The following DPYD variants were observed in gnomAD, a reference collection of about 807,000 sequenced individuals.
DPYD encodes dihydropyrimidine dehydrogenase, also known as dihydropyrimidine dehydrogenase [NADP(+)].
DPYD carries 109 observed loss-of-function variants against 116.2 expected under a neutral mutation model. The observed-to-expected ratio is 0.94, with a 90% confidence interval of 0.80 to 1.10. The LOEUF is 1.10. DPYD is among the 50% of genes least tolerant of loss of function. DPYD has a pLI of 0.00. For missense variants in DPYD, 1,302 were observed against 1,254.5 expected, an observed-to-expected ratio of 1.04 and a Z score of -0.57; for synonymous variants, 440 against 432.0, an observed-to-expected ratio of 1.02 and a Z score of -0.23.
chr1:97,133,960 C>A, intron 20 of DPYD, among the ~76,000 whole-genome samples: 1 of 135,036 alleles, frequency 7.4e-6, no homozygotes, highest in East Asian at 2.2e-4. Context: ...GATCACGCCA[C>A]TGTACTCCAG....
intron 20 of DPYD, among the ~76,000 whole-genome samples, chr1:97,186,903 C>T (rs1319349891): frequency 6.6e-6 from 1 of 151,916 alleles, no homozygotes; most frequent in Admixed American, 6.6e-5. Flanking sequence ...CTTCCAGATC[C>T]ATCGATGTTG....
chr1:97,782,303 T>C (rs1038948995), intron 3 of DPYD, among the ~76,000 whole-genome samples: 8 of 152,350 alleles, frequency 5.3e-5, no homozygotes, highest in East Asian at 1.9e-4. Context: ...GTTATCTTCA[T>C]TTCTCTACAG....
intron 16 of DPYD, among the ~76,000 whole-genome samples, chr1:97,356,434 A>T (rs1670431921): frequency 6.6e-6 from 1 of 152,024 alleles, no homozygotes; most frequent in Admixed American, 6.6e-5. Flanking sequence ...TTTTATTTTG[A>T]TGTAATCCAA....
chr1:97,742,240 T>C (rs1344935006), intron 3 of DPYD, among the ~76,000 whole-genome samples: 1 of 152,148 alleles, frequency 6.6e-6, no homozygotes, highest in African/African-American at 2.4e-5. Context: ...TGTAAAGACC[T>C]TGGTTCATTT....
At chr1:97,728,806 T>C (rs1239686065) in intron 4 of DPYD, among the ~76,000 whole-genome samples, 2 of 152,082 alleles carry the variant, frequency 1.3e-5, no homozygotes, top group Non-Finnish European at 2.9e-5. Flanking sequence ...AGAAAGTACA[T>C]GCACACAGAA....
At chr1:97,566,939 T>G (rs1009471347) in intron 11 of DPYD, among the ~76,000 whole-genome samples, 2 of 152,202 alleles carry the variant, frequency 1.3e-5, no homozygotes, top group Non-Finnish European at 2.9e-5. Context: ...ACATACTGAT[T>G]CCAGGTCTTT....
chr1:97,907,332 T>C (rs1673687968), intron 1 of DPYD, among the ~76,000 whole-genome samples: 1 of 152,138 alleles, frequency 6.6e-6, no homozygotes, highest in Admixed American at 6.6e-5. Context: ...ATCTTTTCCC[T>C]TCATATAAGG....
intron 20 of DPYD, among the ~76,000 whole-genome samples, chr1:97,106,841 A>G (rs1028132311): frequency 3.3e-5 from 5 of 152,250 alleles, no homozygotes; most frequent in African/African-American, 9.6e-5. Context: ...TATATAACCA[A>G]TGGGTTACAT....
intron 19 of DPYD, among the ~76,000 whole-genome samples, chr1:97,222,532 T>C (rs1340095804): frequency 6.6e-6 from 1 of 152,154 alleles, no homozygotes; most frequent in Admixed American, 6.6e-5. Flanking sequence ...TCTTTGCTTA[T>C]AAACAACATT....
chr1:97,683,703 T>C (rs1341494218), intron 7 of DPYD, among the ~76,000 whole-genome samples: 1 of 152,038 alleles, frequency 6.6e-6, no homozygotes, highest in Non-Finnish European at 1.5e-5. Context: ...TACCCAATTT[T>C]ATTACACTAT....
chr1:97,525,192 T>G (rs1229328517), intron 12 of DPYD, among the ~76,000 whole-genome samples: 2 of 152,200 alleles, frequency 1.3e-5, no homozygotes, highest in Non-Finnish European at 2.9e-5. Flanking sequence ...GTCTCAGTCT[T>G]TCGCAGCACA....
At chr1:97,433,764 C>A (rs1675310443) in intron 14 of DPYD, among the ~76,000 whole-genome samples, 1 of 152,072 alleles carries the variant, frequency 6.6e-6, no homozygotes, top group Non-Finnish European at 1.5e-5. Flanking sequence ...TAAAACATTT[C>A]ATACAACTCT....
At chr1:97,605,036 C>A (rs994891344) in intron 8 of DPYD, among the ~76,000 whole-genome samples, 1 of 152,060 alleles carries the variant, frequency 6.6e-6, no homozygotes, top group Non-Finnish European at 1.5e-5. Flanking sequence ...ATCAATTACA[C>A]TATACCATAT....
chr1:97,898,500 G>T (rs185865488), intron 1 of DPYD, among the ~76,000 whole-genome samples: 2 of 151,866 alleles, frequency 1.3e-5, no homozygotes, highest in African/African-American at 4.8e-5. Context: ...ATTTGTTTAT[G>T]TTTCTCAGGG....
intron 3 of DPYD, among the ~76,000 whole-genome samples, chr1:97,821,556 G>C (rs1321616908): frequency 6.6e-6 from 1 of 152,050 alleles, no homozygotes; most frequent in Admixed American, 6.6e-5. Context: ...CTATAAACCA[G>C]AGATTTGACC....
intron 8 of DPYD, among the ~76,000 whole-genome samples, chr1:97,664,271 A>G (rs1166841938): frequency 6.6e-6 from 1 of 152,024 alleles, no homozygotes; most frequent in African/African-American, 2.4e-5. Flanking sequence ...AGATTTTTCA[A>G]ATAGGATTTT....
chr1:97,453,914 A>G (rs1199342093), intron 13 of DPYD, among the ~76,000 whole-genome samples: 1 of 152,060 alleles, frequency 6.6e-6, no homozygotes, highest in Non-Finnish European at 1.5e-5. Flanking sequence ...CTTTGTGTTG[A>G]TTTATAATAG....
intron 12 of DPYD, chr1:97,546,397 G>T (rs187509690): frequency 3.6e-4 from 542 of 1,493,626 alleles, no homozygotes; most frequent in Non-Finnish European, 4.3e-5. Flanking sequence ...TTCAGATAAG[G>T]GCAGTGATTC....
chr1:97,192,668 T>A (rs1472517265), intron 20 of DPYD, among the ~76,000 whole-genome samples: 1 of 152,174 alleles, frequency 6.6e-6, no homozygotes, highest in Admixed American at 6.6e-5. Flanking sequence ...ATTTTAATTT[T>A]AAAAACTTCC....
Sources: allele counts gnomAD v4.1 joint callset (sites outside exome capture counted in the v4.1 genomes callset), GRCh38; gene constraint gnomAD v4.1.1; transcripts MANE v1.5; gene names NCBI Gene and HGNC (gene_info 2026-07-23, HGNC 2026-07-21).